The following AMOT variants were observed in gnomAD, a reference collection of about 807,000 sequenced individuals.
AMOT encodes the protein angiomotin.
AMOT carries 11 observed loss-of-function variants against 67.0 expected under a neutral mutation model. The ratio of observed to expected loss-of-function variants is 0.16; its 90% confidence interval spans 0.10 to 0.27. The LOEUF (loss-of-function observed/expected upper bound fraction) is 0.27. Among genes scored for constraint, AMOT ranks in the 10% least tolerant of loss-of-function variants. AMOT has a pLI of 1.00. For missense variants in AMOT, 753 were observed against 852.0 expected (o/e 0.88, Z 1.45); for synonymous variants, 326 against 321.4 (o/e 1.01, Z -0.15).
chrX:112,817,803 A>T (rs1203717832), intron 4 of AMOT, among the ~76,000 whole-genome samples: 1 of 112,279 alleles, frequency 8.9e-6, no homozygotes, highest in Non-Finnish European at 1.9e-5. Flanking sequence ...GCTGCCATAC[A>T]TAATATTTTT....
At chrX:112,838,413 G>C (rs1363196382) in intron 1 of AMOT, among the ~76,000 whole-genome samples, 1 of 112,050 alleles carries the variant, frequency 8.9e-6, no homozygotes, top group Non-Finnish European at 1.9e-5. Flanking sequence ...AGGGCTCTTG[G>C]GAGAGGCACA....
chrX:112,824,427 C>T (rs1240094928), intron 3 of AMOT, among the ~76,000 whole-genome samples: 1 of 111,792 alleles, frequency 8.9e-6, no homozygotes, highest in Non-Finnish European at 1.9e-5. Flanking sequence ...TCCCTGGCTC[C>T]CAGGCTCTTA....
chrX:112,803,316 G>A (rs1041364640), intron 8 of AMOT, among the ~76,000 whole-genome samples: 12 of 111,472 alleles, frequency 1.1e-4, no homozygotes, highest in Non-Finnish European at 2.3e-4. Flanking sequence ...CTACTTCTTC[G>A]CAGCAGGTCT....
chrX:112,821,387 T>TG (rs1299608004), intron 4 of AMOT, among the ~76,000 whole-genome samples: 1 of 111,552 alleles, frequency 9.0e-6, no homozygotes, highest in Non-Finnish European at 1.9e-5. Flanking sequence ...GAAATACTAC[T>TG]GATCAGAGAC....
At position 112,809,882 on chromosome X, in the gene AMOT, T is replaced by C. The variant is rs73636626; in HGVS notation, c.1630+12A>G. ...ACACGTTAATACCTGTTTCTGCAGC[T>C]TGCAGACTTACTTTTTGCAAAGAGC... On this transcript the variant is annotated intron_variant, in intron 7 of 13. Transcript: ENST00000371959. 3,490 of 1,201,762 alleles carry C rather than the reference T, an allele frequency of 2.9e-3. 71 individuals are homozygous for C. The African/African-American group carries it at 0.054, about 19-fold the overall frequency.
At chrX:112,840,254 G>C (rs1452093546) in intron 1 of AMOT, among the ~76,000 whole-genome samples, 198 bp downstream of exon 1, 2 of 111,217 alleles carry the variant, frequency 1.8e-5, no homozygotes, top group Non-Finnish European at 3.8e-5. Flanking sequence ...AAGTAGGACG[G>C]GAAAGCAGCG....
At chrX:112,793,813 C>T (rs1479099133) in intron 8 of AMOT, among the ~76,000 whole-genome samples, 1 of 111,985 alleles carries the variant, frequency 8.9e-6, no homozygotes, top group Non-Finnish European at 1.9e-5. Flanking sequence ...AAACTCTTTA[C>T]CTCAGTAAGT....
intron 5 of AMOT, among the ~76,000 whole-genome samples, chrX:112,814,378 A>G (rs762823527): frequency 9.0e-6 from 1 of 111,601 alleles, no homozygotes; most frequent in South Asian, 3.8e-4. Context: ...ACTCAGCTTC[A>G]TTCAGGCCTC....
At chrX:112,783,193 G>A (rs781571688) in intron 10 of AMOT, among the ~76,000 whole-genome samples, 13 of 108,759 alleles carry the variant, frequency 1.2e-4, no homozygotes, top group Non-Finnish European at 2.5e-4. Flanking sequence ...TATCTGGGAG[G>A]TTGAGGCAGG....
intron 8 of AMOT, among the ~76,000 whole-genome samples, chrX:112,793,135 G>A (rs1933673498): frequency 9.0e-6 from 1 of 110,593 alleles, no homozygotes; most frequent in Non-Finnish European, 1.9e-5. Context: ...TGTTTCCAAA[G>A]CAGAAATTCT....
chrX:112,798,236 A>C (rs1933901533), intron 8 of AMOT, among the ~76,000 whole-genome samples: 1 of 112,403 alleles, frequency 8.9e-6, no homozygotes, highest in African/African-American at 3.2e-5. Context: ...TCCTTACTAA[A>C]TCACTAAACT....
At chrX:112,840,095 C>A (rs774840089) in intron 1 of AMOT, among the ~76,000 whole-genome samples, 1 of 111,651 alleles carries the variant, frequency 9.0e-6, no homozygotes. Flanking sequence ...TAAGCACTGA[C>A]ATGCATGCTG....
chrX:112,828,226 T>C (rs1176452540), intron 2 of AMOT, among the ~76,000 whole-genome samples: 2 of 109,373 alleles, frequency 1.8e-5, no homozygotes, highest in Non-Finnish European at 3.8e-5. Context: ...TCTCAATGGA[T>C]AGGCATCATA....
rs964445530 is a variant in AMOT at position 112,840,589 on chromosome X, C to T, written c.-426G>A. ...CTCCTCGCTGCTCCGTCCGGGCTCT[C>T]CTTGGTGGCAGCGGACAGGCAGGAT... On this transcript the variant is annotated 5_prime_UTR_variant, in exon 1 of 14. Coordinates refer to ENST00000371959, the MANE Select transcript of AMOT (RefSeq NM_001113490.2). 1 of 113,175 alleles carries T rather than the reference C, an allele frequency of 8.8e-6. No individual in the cohort carries two copies. Among genetic ancestry groups the T allele is most frequent in the African/African-American group, 3.2e-5 (1 of 31,209 alleles). 9.3% of individuals were successfully genotyped at this position (113,175 alleles called of 1,213,427 possible).
intron 7 of AMOT, among the ~76,000 whole-genome samples, chrX:112,806,085 G>T (rs955147589): frequency 5.5e-5 from 6 of 109,521 alleles, no homozygotes; most frequent in Non-Finnish European, 1.1e-4. Flanking sequence ...GGCCAACATG[G>T]TGAAACGCTG....
chrX:112,779,100 T>A lies in AMOT; in HGVS notation c.3054A>T (p.Pro1018=). Reference sequence around the variant, plus strand: ...CCTCAGCCTGAGCCACAGCTGGAGTTGGAGTTGGAGCTGGAGTTGGAGCCA... The same window carrying A: ...CCTCAGCCTGAGCCACAGCTGGAGTAGGAGTTGGAGCTGGAGTTGGAGCCA... ...PAVAPTPAPT[P]TPAVAQAEVP... The change falls in exon 13 of 14, where the codon CCA becomes CCT. Residue 1018 remains proline, a synonymous_variant. Transcript: ENST00000371959. 8.5e-7 allele frequency: 1 copy of A among 1,181,312 alleles called. No homozygotes were observed. The highest frequency in any genetic ancestry group is 1.2e-6 in the Non-Finnish European group (1 of 867,935).
chrX:112,783,958 A>G (rs970624283), intron 10 of AMOT, among the ~76,000 whole-genome samples: 1 of 111,157 alleles, frequency 9.0e-6, no homozygotes, highest in Admixed American at 9.6e-5. Context: ...GGCAAGAAAA[A>G]GAGGCAGAAA....
At chrX:112,784,051 T>G (rs1041217469) in intron 10 of AMOT, among the ~76,000 whole-genome samples, 1 of 111,999 alleles carries the variant, frequency 8.9e-6, no homozygotes, top group Non-Finnish European at 1.9e-5. Context: ...TATGCAAGGT[T>G]GAAACCATTT....
chrX:112,795,918 T>A (rs745746302), intron 8 of AMOT, among the ~76,000 whole-genome samples: 24 of 111,064 alleles, frequency 2.2e-4, no homozygotes, highest in Non-Finnish European at 4.5e-4. Context: ...GATGCTTCAG[T>A]ATGGTTACAT....
Sources: gnomAD v4.1 joint callset for allele counts (sites outside exome capture counted in the v4.1 genomes callset) on GRCh38, gnomAD v4.1.1 for gene constraint, MANE v1.5 for transcripts, NCBI Gene and HGNC (gene_info 2026-07-23, HGNC 2026-07-21) for gene names.